NRXN1: variants seen among roughly 807,000 people sequenced by gnomAD.
The protein encoded by NRXN1 is neurexin 1, also known as neurexin-1.
Under a neutral mutation model 150.9 loss-of-function variants are expected in NRXN1, and 39 were observed. The observed-to-expected ratio is 0.26, with a 90% confidence interval of 0.20 to 0.34. The LOEUF (loss-of-function observed/expected upper bound fraction) is 0.34, where lower values mean the gene tolerates loss of function less well. NRXN1 is among the 10% of genes least tolerant of loss of function. The probability of loss-of-function intolerance (pLI) is 1.00; values close to 1 mark genes in which losing one functional copy is unlikely to be tolerated. For synonymous variants in NRXN1, 924 were observed against 757.0 expected (o/e 1.22, Z -3.62); for missense variants, 1,815 against 1,949.9 (o/e 0.93, Z 1.30).
intron 8 of NRXN1, among the ~76,000 whole-genome samples, chr2:50,605,585 T>A (rs1676963250): frequency 6.6e-6 from 1 of 152,030 alleles, no homozygotes; most frequent in East Asian, 1.9e-4. Context: ...CAGTGAGATA[T>A]CACCTCATGC....
At chr2:50,442,353 G>T (rs529294682) in intron 17 of NRXN1, among the ~76,000 whole-genome samples, 2 of 152,260 alleles carry the variant, frequency 1.3e-5, no homozygotes, top group East Asian at 3.9e-4. Context: ...TGAAATAAAA[G>T]AAGAATTAGA....
chr2:50,383,599 C>A (rs1187331014), intron 17 of NRXN1, among the ~76,000 whole-genome samples: 6 of 152,012 alleles, frequency 3.9e-5, no homozygotes, highest in Admixed American at 3.9e-4. Flanking sequence ...TTGGCCACAC[C>A]CCCTACTATG....
intron 22 of NRXN1, among the ~76,000 whole-genome samples, chr2:49,924,171 T>C (rs1458015868): frequency 1.3e-5 from 2 of 152,214 alleles, no homozygotes; most frequent in Non-Finnish European, 2.9e-5. Flanking sequence ...TCTTTTACTA[T>C]GGTGTCTCAA....
At chr2:50,062,493 C>T (rs897678039) in intron 19 of NRXN1, among the ~76,000 whole-genome samples, 1 of 152,062 alleles carries the variant, frequency 6.6e-6, no homozygotes, top group Non-Finnish European at 1.5e-5. Context: ...ATTATCATTG[C>T]CCAAATGGAC....
intron 5 of NRXN1, among the ~76,000 whole-genome samples, chr2:50,743,085 A>T (rs963926340): frequency 6.6e-6 from 1 of 152,212 alleles, no homozygotes; most frequent in African/African-American, 2.4e-5. Context: ...TAGAGAGATG[A>T]CAACAAAATT....
intron 15 of NRXN1, among the ~76,000 whole-genome samples, chr2:50,489,902 TGTTTTAATCCCACTCTC>T: frequency 6.6e-6 from 1 of 152,186 alleles, no homozygotes; most frequent in African/African-American, 2.4e-5. Context: ...GGGAAGGGAA[TGTTTTAATCCCACTCTC>T]AACTTCCCGC....
chr2:50,809,950 G>A (rs1442426633), intron 5 of NRXN1, among the ~76,000 whole-genome samples: 2 of 152,102 alleles, frequency 1.3e-5, no homozygotes, highest in African/African-American at 4.8e-5. Flanking sequence ...ATTCACTCAC[G>A]TGGATTTTCA....
chr2:50,601,518 C>T (rs760373583), intron 8 of NRXN1, among the ~76,000 whole-genome samples: 4 of 152,144 alleles, frequency 2.6e-5, no homozygotes, highest in African/African-American at 4.8e-5. Flanking sequence ...TTGACTTCTA[C>T]AATGTAATTA....
chr2:50,321,863 A>G (rs1042680693), intron 17 of NRXN1, among the ~76,000 whole-genome samples: 1 of 152,124 alleles, frequency 6.6e-6, no homozygotes. Context: ...AAATACTTAC[A>G]TGCCAGATAT....
Position 50,012,414 on chromosome 2 carries a change from T to C in NRXN1, c.4128+40857A>G, listed in dbSNP as rs143643478. ...TTTAAGACAAGTAAGTTATAATTCA[T>C]ACAAAATATTAGTCATGGTGTCATC... is the stretch of plus-strand genomic sequence containing the variant. On this transcript the variant is annotated intron_variant, in intron 21 of 22. Transcript: ENST00000401669. Among the ~76,000 whole-genome samples, 417 of 152,252 alleles carry C rather than the reference T, an allele frequency of 2.7e-3. 1 individual carries two copies. The highest frequency in any genetic ancestry group is 9.2e-3 in the African/African-American group (382 of 41,572).
intron 5 of NRXN1, among the ~76,000 whole-genome samples, chr2:50,680,716 C>T (rs772255945): frequency 2.7e-5 from 4 of 150,392 alleles, no homozygotes; most frequent in African/African-American, 7.4e-5. Context: ...CACAAGTAAA[C>T]GAATTTCCTT....
chr2:50,417,540 G>C lies in NRXN1; in HGVS notation c.3364+47902C>G, dbSNP rs182244717. Among the ~76,000 whole-genome samples, 7 of 151,848 alleles carry C rather than the reference G, an allele frequency of 4.6e-5. No individual in the cohort carries two copies. The East Asian group carries it at 9.8e-4, about 21-fold the overall frequency. On this transcript the variant is annotated intron_variant, in intron 17 of 22. Transcript: ENST00000401669. ...TATTCTGCTGTATCCCTGACATTCTGCTTGGTAGTAGGGATTTGCACTGTG... is the reference window on the plus strand; with the variant it reads ...TATTCTGCTGTATCCCTGACATTCTCCTTGGTAGTAGGGATTTGCACTGTG...
chr2:50,619,350 G>T (rs1178088330), intron 8 of NRXN1: 1 of 151,974 alleles, frequency 6.6e-6, no homozygotes, highest in Non-Finnish European at 1.5e-5. Context: ...GAAATTCAGG[G>T]ACTTCTTCAT....
intron 22 of NRXN1, among the ~76,000 whole-genome samples, chr2:49,935,660 AG>A (rs1670906204): frequency 6.6e-6 from 1 of 152,162 alleles, no homozygotes; most frequent in Non-Finnish European, 1.5e-5. Context: ...CTCCTCATGG[AG>A]GCAGCATGTC....
chr2:50,716,338 C>A (rs555866031), intron 5 of NRXN1, among the ~76,000 whole-genome samples: 2 of 151,954 alleles, frequency 1.3e-5, no homozygotes, highest in Admixed American at 6.6e-5. Context: ...AGGGGAGAAA[C>A]ATTTAGGAAG....
chr2:50,722,050 T>A (rs1696728507), intron 5 of NRXN1, among the ~76,000 whole-genome samples: 1 of 152,148 alleles, frequency 6.6e-6, no homozygotes. Flanking sequence ...CTCCCACTGC[T>A]CTTTAAAAAT....
intron 17 of NRXN1, among the ~76,000 whole-genome samples, chr2:50,426,386 G>C (rs544748100): frequency 6.6e-6 from 1 of 152,278 alleles, no homozygotes; most frequent in African/African-American, 2.4e-5. Context: ...CTCAGAGGAG[G>C]ACAATCTTTT....
At chr2:50,454,453 C>T (rs983683045) in intron 17 of NRXN1, among the ~76,000 whole-genome samples, 1 of 151,926 alleles carries the variant, frequency 6.6e-6, no homozygotes, top group Admixed American at 6.6e-5. Context: ...TGTATACGTG[C>T]CCATGAACAT....
At chr2:50,885,574 ACT>A (rs1212287812) in intron 5 of NRXN1, among the ~76,000 whole-genome samples, 2 of 151,256 alleles carry the variant, frequency 1.3e-5, no homozygotes, top group African/African-American at 4.8e-5. Flanking sequence ...AGCACACAAA[ACT>A]CTGACACAAC....
Sources: gnomAD v4.1 joint callset for allele counts (sites outside exome capture counted in the v4.1 genomes callset) on GRCh38, gnomAD v4.1.1 for gene constraint, MANE v1.5 for transcripts, NCBI Gene and HGNC (gene_info 2026-07-23, HGNC 2026-07-21) for gene names.